ACP6: variants seen among roughly 807,000 people sequenced by gnomAD.
ACP6 encodes lysophosphatidic acid phosphatase type 6.
In ACP6, 48 loss-of-function variants were observed where a neutral mutation model predicts 48.1. That is an observed-to-expected ratio of 1.00 (90% CI 0.79 to 1.27). The LOEUF (loss-of-function observed/expected upper bound fraction) is 1.27. Ranked by LOEUF, ACP6 falls within the 50% of genes most tolerant of loss-of-function variation. ACP6 has a pLI of 0.00. For synonymous variants in ACP6, 172 were observed against 204.2 expected, an observed-to-expected ratio of 0.84 and a Z score of 1.34; for missense variants, 485 against 529.1, an observed-to-expected ratio of 0.92 and a Z score of 0.82.
chr1:147,647,397 C>A lies in ACP6; in HGVS notation c.*26G>T. ...GTATAAAGGCACTTTATTTTAAAATCAACACATCCTGCTTTTATAAATCAG... is the reference window on the plus strand; with the variant it reads ...GTATAAAGGCACTTTATTTTAAAATAAACACATCCTGCTTTTATAAATCAG... On this transcript the variant is annotated 3_prime_UTR_variant, in exon 10 of 10. Transcript: ENST00000583509. 6.2e-7 allele frequency: 1 copy of A among 1,612,964 alleles called. No homozygotes were observed. Among genetic ancestry groups the A allele is most frequent in the South Asian group, 1.1e-5 (1 of 90,966 alleles).
At chr1:147,630,695 G>A (rs1318200438) in exon 6 of ACP6, 1 of 152,230 alleles carries the variant, frequency 6.6e-6, no homozygotes, top group Non-Finnish European at 1.5e-5. Flanking sequence ...CAAGGGCTGC[G>A]TCTGGCACCT....
chr1:147,654,167 C>T (rs200795602), intron 6 of ACP6, 27 bp downstream of exon 6: 219 of 1,610,590 alleles, frequency 1.4e-4, no homozygotes, highest in Non-Finnish European at 1.8e-4. Context: ...AGGCTATTAT[C>T]CCAGGCTCCC....
At chr1:147,634,844 G>A (rs1341946538) in intron 5 of ACP6, among the ~76,000 whole-genome samples, 1 of 152,172 alleles carries the variant, frequency 6.6e-6, no homozygotes, top group Non-Finnish European at 1.5e-5. Flanking sequence ...GCAATTATAA[G>A]CACAGTCATG....
intron 5 of ACP6, among the ~76,000 whole-genome samples, chr1:147,632,181 C>T (rs587724726): frequency 7.2e-6 from 1 of 139,846 alleles, no homozygotes; most frequent in Non-Finnish European, 1.5e-5. Flanking sequence ...CTGTCAAATA[C>T]CTACCTATGC....
At chr1:147,641,112 GC>G (rs1466549609), downstream of ACP6, among the ~76,000 whole-genome samples, 3 of 148,958 alleles carry the variant, frequency 2.0e-5, no homozygotes, top group Non-Finnish European at 4.5e-5. Context: ...CCCACAGCCC[GC>G]CCAGCCTCCT....
intron 9 of ACP6, chr1:147,648,032 C>G: frequency 1.7e-6 from 1 of 588,290 alleles, no homozygotes; most frequent in Non-Finnish European, 3.0e-6. Flanking sequence ...TGTAACAGAA[C>G]TGGGATAAGG....
intron 9 of ACP6, 23 bp from the exon 10 acceptor site, chr1:147,647,589 C>T (rs782730501): frequency 6.2e-7 from 1 of 1,606,660 alleles, no homozygotes; most frequent in Non-Finnish European, 8.5e-7. Flanking sequence ...CATAACTCAG[C>T]AGGTCCGCCG....
At chr1:147,654,497 A>C (rs797036596) in intron 5 of ACP6, among the ~76,000 whole-genome samples, 171 bp from the exon 6 acceptor site, 4 of 152,246 alleles carry the variant, frequency 2.6e-5, no homozygotes, top group South Asian at 2.1e-4. Context: ...CTATAAGGTC[A>C]AATGACTTAT....
chr1:147,652,628 C>T, intron 6 of ACP6, 79 bp from the exon 7 acceptor site: 3 of 1,608,934 alleles, frequency 1.9e-6, no homozygotes, highest in Non-Finnish European at 2.5e-6. Flanking sequence ...TCCATGGAAC[C>T]TGCAGGAGCC....
chr1:147,646,344 A>T lies in ACP6; in HGVS notation c.*1079T>A, dbSNP rs1402576168. On this transcript the variant is annotated 3_prime_UTR_variant, in exon 10 of 10. Coordinates refer to ENST00000583509, the MANE Select transcript of ACP6 (RefSeq NM_016361.5). ...GAGGGGGGTTTGATTCTAACATGGA[A>T]AGTTTTGTGCCAGTGAAATCCAAGT... is the stretch of plus-strand genomic sequence containing the variant. The T allele has an allele frequency of 6.6e-6, 1 of 152,090 alleles. No homozygotes were observed. Among genetic ancestry groups the T allele is most frequent in the Non-Finnish European group, 1.5e-5 (1 of 68,028 alleles). 9.4% of individuals were successfully genotyped at this position (152,090 alleles called of 1,614,324 possible).
intron 5 of ACP6, 73 bp downstream of exon 5, chr1:147,655,088 T>A: frequency 7.8e-7 from 1 of 1,277,442 alleles, no homozygotes; most frequent in Non-Finnish European, 1.1e-6. Context: ...GCCCTCAGTA[T>A]AGACAGAGTT....
At chr1:147,636,478 G>A (rs1452346824) in intron 5 of ACP6, among the ~76,000 whole-genome samples, 1 of 152,162 alleles carries the variant, frequency 6.6e-6, no homozygotes, top group East Asian at 1.9e-4. Context: ...GTGTGATGAA[G>A]CAGATAAAGC....
downstream of ACP6, among the ~76,000 whole-genome samples, chr1:147,637,373 C>A (rs1489959275): frequency 6.6e-6 from 1 of 152,210 alleles, no homozygotes; most frequent in Admixed American, 6.5e-5. Flanking sequence ...TTATGTTGAT[C>A]TCAAGTCTAT....
rs1260074848 is a variant in ACP6 at position 147,669,760 on chromosome 1, G to T, written c.219+70C>A. The T allele has an allele frequency of 3.5e-6, 5 of 1,441,058 alleles. No homozygotes were observed. In the Admixed American group the frequency reaches 1.1e-4, roughly 31 times the overall value. 89.3% of individuals were successfully genotyped at this position (1,441,058 alleles called of 1,614,324 possible). On this transcript the variant is annotated intron_variant, in intron 1 of 9. Transcript: ENST00000583509. ...CGCGAGTAAAGCTCTGAAGATGTGT[G>T]TCAGGGCGAGACTCCTGGCCTGGCA...
chr1:147,662,095 T>A (rs982244897), intron 1 of ACP6, among the ~76,000 whole-genome samples: 1 of 152,250 alleles, frequency 6.6e-6, no homozygotes, highest in African/African-American at 2.4e-5. Flanking sequence ...CAGCATGGTC[T>A]ACTTAATATT....
At chr1:147,663,572 A>G (rs892443261) in intron 1 of ACP6, among the ~76,000 whole-genome samples, 3 of 152,062 alleles carry the variant, frequency 2.0e-5, no homozygotes, top group Non-Finnish European at 2.9e-5. Flanking sequence ...GCACTTTGGG[A>G]GGCTGAGGTG....
chr1:147,664,063 G>A (rs1660679742), intron 1 of ACP6, among the ~76,000 whole-genome samples: 1 of 152,066 alleles, frequency 6.6e-6, no homozygotes, highest in South Asian at 2.1e-4. Flanking sequence ...AGATTCTCTT[G>A]GCATCTAGGG....
intron 1 of ACP6, among the ~76,000 whole-genome samples, chr1:147,668,817 A>T (rs1195802006): frequency 6.6e-6 from 1 of 152,214 alleles, no homozygotes; most frequent in Non-Finnish European, 1.5e-5. Flanking sequence ...TTAGAAGTTT[A>T]ATTTCATGTG....
chr1:147,646,292 A>C lies in ACP6; in HGVS notation c.*1131T>G, dbSNP rs1409759131. 2.0e-5 allele frequency: 3 copies of C among 152,102 alleles called. No individual in the cohort carries two copies. The highest frequency in any genetic ancestry group is 4.4e-5 in the Non-Finnish European group (3 of 68,010). The allele number at this position is 152,102 out of a possible 1,614,324, so 9.4% of individuals were successfully genotyped here. The stretch of plus-strand genomic sequence containing the variant: ...GAGGTGTCTTTCATTCAGATAGGGA[A>C]GTGTGTGGGAGAAGCAGGTCTGGGA... On this transcript the variant is annotated 3_prime_UTR_variant, in exon 10 of 10. Transcript: ENST00000583509.
Sources: allele counts gnomAD v4.1 joint callset (sites outside exome capture counted in the v4.1 genomes callset), GRCh38; gene constraint gnomAD v4.1.1; transcripts MANE v1.5; gene names NCBI Gene and HGNC (gene_info 2026-07-23, HGNC 2026-07-21).